TMC1: variants seen among roughly 807,000 people sequenced by gnomAD.
TMC1 encodes the protein transmembrane channel-like protein 1.
A neutral mutation model predicts 105.8 loss-of-function variants in TMC1; 84 were observed. The ratio of observed to expected loss-of-function variants is 0.79; its 90% CI spans 0.67 to 0.95. TMC1 has a LOEUF of 0.95. Among genes scored for constraint, TMC1 ranks in the 40% least tolerant of loss-of-function variants. The pLI is 0.00. For missense variants in TMC1, 817 were observed against 914.1 expected (o/e 0.89, Z 1.37); for synonymous variants, 315 against 311.5 (o/e 1.01, Z -0.12).
At chr9:72,646,227 T>A (rs538169273) in intron 4 of TMC1, among the ~76,000 whole-genome samples, 1 of 152,212 alleles carries the variant, frequency 6.6e-6, no homozygotes, top group Non-Finnish European at 1.5e-5. Context: ...ACAGTGCTAC[T>A]AATATAAATA....
chr9:72,701,789 G>A (rs553088936), intron 8 of TMC1, among the ~76,000 whole-genome samples: 6 of 152,246 alleles, frequency 3.9e-5, no homozygotes, highest in South Asian at 2.1e-4. Context: ...CGCTTGAAGC[G>A]TAGCCATCAT....
chr9:72,686,820 T>C (rs1416601209), intron 5 of TMC1, among the ~76,000 whole-genome samples: 1 of 152,194 alleles, frequency 6.6e-6, no homozygotes, highest in Non-Finnish European at 1.5e-5. Flanking sequence ...GCAGTCTTCA[T>C]TGCATCACTG....
chr9:72,700,747 CACACACACACACAT>C, intron 8 of TMC1, 104 bp downstream of exon 8: 3 of 171,408 alleles, frequency 1.8e-5, no homozygotes, highest in Non-Finnish European at 2.7e-5. Flanking sequence ...TATATATACA[CACACACACACACAT>C]ACACACACAC....
chr9:72,720,993 G>A (rs1001862223), intron 8 of TMC1, among the ~76,000 whole-genome samples: 2 of 152,098 alleles, frequency 1.3e-5, no homozygotes, highest in African/African-American at 4.8e-5. Flanking sequence ...TAATTTGCAT[G>A]ATGTAATGTA....
chr9:72,619,252 T>C (rs1825198297), intron 3 of TMC1, among the ~76,000 whole-genome samples: 2 of 152,228 alleles, frequency 1.3e-5, no homozygotes, highest in South Asian at 4.1e-4. Flanking sequence ...AATTTAATCA[T>C]ATCGTAGATA....
intron 22 of TMC1, 30 bp downstream of exon 22, chr9:72,830,559 T>C: frequency 6.2e-7 from 1 of 1,601,018 alleles, no homozygotes. Flanking sequence ...ATAGAAATAT[T>C]ATCTTTATTA....
At chr9:72,702,725 G>C (rs564658433) in intron 8 of TMC1, among the ~76,000 whole-genome samples, 4 of 151,954 alleles carry the variant, frequency 2.6e-5, no homozygotes, top group Non-Finnish European at 4.4e-5. Flanking sequence ...TTTTGAGGAT[G>C]CAACAGAAGG....
chr9:72,643,445 A>G (rs1393849169), intron 4 of TMC1, among the ~76,000 whole-genome samples: 1 of 152,128 alleles, frequency 6.6e-6, no homozygotes, highest in African/African-American at 2.4e-5. Context: ...AGGTAATAAC[A>G]TATCTCAGTT....
At position 72,551,421 on chromosome 9, in the gene TMC1, A is replaced by C. The variant is rs1453642207; in HGVS notation, c.-427-26481A>C. Among the ~76,000 whole-genome samples, 3 of 152,220 alleles carry C rather than the reference A, an allele frequency of 2.0e-5. No homozygotes were observed. The East Asian group carries it at 5.8e-4, about 29-fold the overall frequency. On this transcript the variant is annotated intron_variant, in intron 1 of 23. Transcript: ENST00000297784. ...CAAAACAAAGCACCCCTATGCTCTG[A>C]GCTTGGGCCTGGTAAGGGCACTATG... is the stretch of plus-strand genomic sequence containing the variant.
intron 21 of TMC1, 53 bp downstream of exon 21, chr9:72,827,047 GT>G (rs1828968557): frequency 6.2e-7 from 1 of 1,612,146 alleles, no homozygotes; most frequent in Admixed American, 1.7e-5. Flanking sequence ...CTTCCTGGCT[GT>G]TTTTACATTT....
Position 72,645,838 on chromosome 9 carries a change from T to A in TMC1, c.-52-2759T>A, listed in dbSNP as rs893950614. On this transcript the variant is annotated intron_variant, in intron 4 of 23. Transcript: ENST00000297784. Reference sequence around the variant, plus strand: ...GGGGCACCCATTTTTCCTTAGTTAATAATGTAAAAAAGACTGCATTGACAT... The same window carrying A: ...GGGGCACCCATTTTTCCTTAGTTAAAAATGTAAAAAAGACTGCATTGACAT... 1.6e-4 allele frequency among the ~76,000 whole-genome samples: 24 copies of A among 152,320 alleles called. 1 individual carries two copies. Among genetic ancestry groups the A allele is most frequent in the South Asian group, 2.1e-4 (1 of 4,826 alleles).
At chr9:72,701,671 C>T (rs2117872824) in intron 8 of TMC1, among the ~76,000 whole-genome samples, 1 of 152,276 alleles carries the variant, frequency 6.6e-6, no homozygotes, top group South Asian at 2.1e-4. Flanking sequence ...CACTTCTAGT[C>T]TTGGTTCTGC....
chr9:72,659,792 C>T (rs1588017406), intron 5 of TMC1, among the ~76,000 whole-genome samples: 1 of 152,146 alleles, frequency 6.6e-6, no homozygotes, highest in South Asian at 2.1e-4. Flanking sequence ...TAAGGTAACT[C>T]GTTAGAACTT....
chr9:72,603,549 G>GTGTTGTTGT (rs10655236), intron 2 of TMC1, among the ~76,000 whole-genome samples: 1 of 151,216 alleles, frequency 6.6e-6, no homozygotes, highest in Non-Finnish European at 1.5e-5. Flanking sequence ...GTTTAGTTTA[G>GTGTTGTTGT]TGTTGTTGTT....
intron 8 of TMC1, among the ~76,000 whole-genome samples, chr9:72,718,069 GCTAT>G (rs71495336): frequency 0.23 from 34,400 of 151,604 alleles, 4,176 homozygotes; most frequent in East Asian, 0.38. Context: ...TTATATTTAT[GCTAT>G]CTATTTCACT....
intron 10 of TMC1, among the ~76,000 whole-genome samples, chr9:72,747,523 A>G (rs1196350250): frequency 6.6e-6 from 1 of 152,240 alleles, no homozygotes; most frequent in African/African-American, 2.4e-5. Flanking sequence ...CAGGAACAAG[A>G]ATATGCTTAA....
At chr9:72,625,938 T>C (rs940456090) in intron 3 of TMC1, among the ~76,000 whole-genome samples, 3 of 152,190 alleles carry the variant, frequency 2.0e-5, no homozygotes, top group Non-Finnish European at 2.9e-5. Flanking sequence ...GGCTTAGCTG[T>C]GAATGTCAGA....
Position 72,623,147 on chromosome 9 carries a change from G to GT in TMC1, c.-195-4760dup, listed in dbSNP as rs1162181237. On this transcript the variant is annotated intron_variant, in intron 3 of 23. Coordinates refer to ENST00000297784, the MANE Select transcript of TMC1 (RefSeq NM_138691.3). The stretch of plus-strand genomic sequence containing the variant: ...TTATTTGTCTTCTCTCTCTCTCCCT[G>GT]TTTTTTTTTTTTTTCTTTTTTTTTT... 4.7e-3 allele frequency among the ~76,000 whole-genome samples: 533 copies of GT among 113,622 alleles called. 1 individual carries two copies. Among genetic ancestry groups the GT allele is most frequent in the Middle Eastern group, 0.018 (3 of 170 alleles). The allele number at this position is 113,622 out of a possible 152,430, so 74.5% of individuals were successfully genotyped here.
chr9:72,593,391 CTTTTCTTT>C (rs1046508471), intron 2 of TMC1, among the ~76,000 whole-genome samples: 1 of 151,634 alleles, frequency 6.6e-6, no homozygotes, highest in African/African-American at 2.4e-5. Context: ...CTTTTCTTTT[CTTTTCTTT>C]TTTTCTTTTC....
Sources: gnomAD v4.1 joint callset for allele counts (sites outside exome capture counted in the v4.1 genomes callset) on GRCh38, gnomAD v4.1.1 for gene constraint, MANE v1.5 for transcripts, NCBI Gene and HGNC (gene_info 2026-07-23, HGNC 2026-07-21) for gene names.